The following DOK6 variants were observed in gnomAD, a reference collection of about 807,000 sequenced individuals.
DOK6 encodes docking protein 6, also known as downstream of tyrosine kinase 6.
In DOK6, 22 loss-of-function variants were observed where a neutral mutation model predicts 44.0. That is an observed-to-expected ratio of 0.50 (90% CI 0.36 to 0.71). The LOEUF (loss-of-function observed/expected upper bound fraction) is 0.71. Among genes scored for constraint, DOK6 ranks in the 30% least tolerant of loss-of-function variants. DOK6 has a pLI of 0.00. For synonymous variants in DOK6, 166 were observed against 145.5 expected (o/e 1.14, Z -1.01); for missense variants, 340 against 416.4 (o/e 0.82, Z 1.60).
At chr18:69,412,113 T>A (rs1323744016) in intron 1 of DOK6, among the ~76,000 whole-genome samples, 1 of 152,150 alleles carries the variant, frequency 6.6e-6, no homozygotes, top group Admixed American at 6.6e-5. Context: ...TATATACTTT[T>A]TGTATGTGTG....
At chr18:69,531,154 G>A (rs1200903092) in intron 1 of DOK6, among the ~76,000 whole-genome samples, 2 of 150,712 alleles carry the variant, frequency 1.3e-5, no homozygotes, top group African/African-American at 4.9e-5. Flanking sequence ...GTGTGTCTCT[G>A]AACGTGAGAT....
At chr18:69,542,610 A>G (rs1982298796) in intron 1 of DOK6, among the ~76,000 whole-genome samples, 1 of 151,644 alleles carries the variant, frequency 6.6e-6, no homozygotes, top group African/African-American at 2.4e-5. Flanking sequence ...TTAGGAGAAC[A>G]ATAAAAATGA....
chr18:69,837,952 C>A (rs1050687947), intron 7 of DOK6, among the ~76,000 whole-genome samples: 2 of 152,110 alleles, frequency 1.3e-5, no homozygotes, highest in South Asian at 2.1e-4. Context: ...CTGTCTTTGA[C>A]CATCATTCAA....
intron 3 of DOK6, among the ~76,000 whole-genome samples, chr18:69,674,605 A>G (rs1985879178): frequency 6.6e-6 from 1 of 152,098 alleles, no homozygotes; most frequent in Non-Finnish European, 1.5e-5. Context: ...ACACACACCC[A>G]CACATTACAC....
chr18:69,561,494 C>T (rs975499577), intron 1 of DOK6, among the ~76,000 whole-genome samples: 1 of 152,032 alleles, frequency 6.6e-6, no homozygotes, highest in African/African-American at 2.4e-5. Context: ...ATACATTTCA[C>T]TTTGGGAGTG....
intron 1 of DOK6, among the ~76,000 whole-genome samples, chr18:69,511,731 C>A (rs1981371326): frequency 6.6e-6 from 1 of 152,184 alleles, no homozygotes; most frequent in Admixed American, 6.5e-5. Context: ...ATGTGTCCTG[C>A]AAAATATTAA....
At chr18:69,763,988 A>G (rs1288480353) in intron 7 of DOK6, among the ~76,000 whole-genome samples, 1 of 152,164 alleles carries the variant, frequency 6.6e-6, no homozygotes, top group Non-Finnish European at 1.5e-5. Flanking sequence ...ATATCAAGGA[A>G]TCATGTCTAG....
At chr18:69,675,830 A>G (rs777911557) in intron 3 of DOK6, among the ~76,000 whole-genome samples, 1 of 152,212 alleles carries the variant, frequency 6.6e-6, no homozygotes, top group Non-Finnish European at 1.5e-5. Flanking sequence ...ATACTTATAT[A>G]TCTAATAAAA....
At chr18:69,480,946 G>A (rs1370076787) in intron 1 of DOK6, among the ~76,000 whole-genome samples, 3 of 152,136 alleles carry the variant, frequency 2.0e-5, no homozygotes, top group Non-Finnish European at 2.9e-5. Context: ...TGACTGGATG[G>A]CCAGAGAAGC....
chr18:69,637,639 ATT>A (rs902070529), intron 3 of DOK6, among the ~76,000 whole-genome samples: 2 of 152,162 alleles, frequency 1.3e-5, no homozygotes, highest in African/African-American at 4.8e-5. Flanking sequence ...GGTCACAAAC[ATT>A]TTATCACCAA....
chr18:69,835,244 C>T (rs1276714224), intron 7 of DOK6, among the ~76,000 whole-genome samples: 1 of 152,024 alleles, frequency 6.6e-6, no homozygotes, highest in Admixed American at 6.6e-5. Flanking sequence ...GGGTGGATCA[C>T]GAGGTCAGGA....
rs529111749 is a variant in DOK6 at position 69,538,517 on chromosome 18, G to C, written c.67-25970G>C. ...CTACCTCAGCCTCCAAAGTAGCTGGGACTACAGGCATCCACCACCATGCCC... is the reference window on the plus strand; with the variant it reads ...CTACCTCAGCCTCCAAAGTAGCTGGCACTACAGGCATCCACCACCATGCCC... On this transcript the variant is annotated intron_variant, in intron 1 of 7. Transcript: ENST00000382713. 2.0e-5 allele frequency among the ~76,000 whole-genome samples: 3 copies of C among 152,094 alleles called. No individual in the cohort carries two copies. The South Asian group carries it at 6.2e-4, about 32-fold the overall frequency.
chr18:69,480,894 G>T (rs1980399558), intron 1 of DOK6, among the ~76,000 whole-genome samples: 1 of 152,160 alleles, frequency 6.6e-6, no homozygotes, highest in Non-Finnish European at 1.5e-5. Context: ...CATGAGAAAG[G>T]CTCTGGAGGA....
At chr18:69,511,425 G>T (rs1008496211) in intron 1 of DOK6, among the ~76,000 whole-genome samples, 5 of 152,064 alleles carry the variant, frequency 3.3e-5, no homozygotes, top group Admixed American at 3.3e-4. Context: ...GGAAATAAGG[G>T]TAAATATTTG....
Position 69,446,391 on chromosome 18 carries a change from G to C in DOK6, c.66+45081G>C, listed in dbSNP as rs910707690. ...TCCCTACAAAGGACATGAACTCATC[G>C]TTTTTTATGGCTGCATAGTATTCCA... On this transcript the variant is annotated intron_variant, in intron 1 of 7. Transcript: ENST00000382713. Among the ~76,000 whole-genome samples the C allele has an allele frequency of 9.9e-5, 15 of 151,550 alleles. No homozygotes were observed. The East Asian group carries it at 2.7e-3, about 28-fold the overall frequency.
intron 7 of DOK6, among the ~76,000 whole-genome samples, chr18:69,802,705 C>T (rs774342042): frequency 6.6e-6 from 1 of 152,062 alleles, no homozygotes; most frequent in Non-Finnish European, 1.5e-5. Context: ...TCTTTCTCAC[C>T]ATGTGATATG....
At chr18:69,779,943 A>C (rs1302719471) in intron 7 of DOK6, among the ~76,000 whole-genome samples, 1 of 152,154 alleles carries the variant, frequency 6.6e-6, no homozygotes, top group African/African-American at 2.4e-5. Flanking sequence ...ACTCAAATTC[A>C]ATCATAGTAT....
chr18:69,574,418 G>T (rs752870302), intron 2 of DOK6, among the ~76,000 whole-genome samples: 1 of 152,156 alleles, frequency 6.6e-6, no homozygotes, highest in Non-Finnish European at 1.5e-5. Context: ...AATGTAGAGT[G>T]CAATGTTAAA....
intron 3 of DOK6, among the ~76,000 whole-genome samples, chr18:69,599,736 G>A (rs1308642643): frequency 1.3e-5 from 2 of 152,200 alleles, no homozygotes; most frequent in Non-Finnish European, 2.9e-5. Context: ...TTCCGTTCAA[G>A]CTTTGAGAAT....
Sources: allele counts gnomAD v4.1 joint callset (sites outside exome capture counted in the v4.1 genomes callset), GRCh38; gene constraint gnomAD v4.1.1; transcripts MANE v1.5; gene names NCBI Gene and HGNC (gene_info 2026-07-23, HGNC 2026-07-21).